Variants in ANO4 observed in about 807,000 individuals in gnomAD.
ANO4 encodes the protein anoctamin-4.
Under a neutral mutation model 141.9 loss-of-function variants are expected in ANO4, and 69 were observed. The ratio of observed to expected loss-of-function variants is 0.49; its 90% CI spans 0.40 to 0.59. The LOEUF is 0.59. Among genes scored for constraint, ANO4 ranks in the 20% least tolerant of loss-of-function variants. The pLI, the probability that ANO4 is intolerant of heterozygous loss-of-function variation, is 0.00. For missense variants in ANO4, 894 were observed against 1,162.2 expected (o/e 0.77, Z 3.36); for synonymous variants, 350 against 394.3 (o/e 0.89, Z 1.33).
intron 8 of ANO4, among the ~76,000 whole-genome samples, chr12:100,992,688 C>G (rs1398757825): frequency 6.6e-6 from 1 of 152,124 alleles, no homozygotes; most frequent in African/African-American, 2.4e-5. Context: ...AAATGGTATA[C>G]TCTGTGGAGC....
intron 3 of ANO4, among the ~76,000 whole-genome samples, chr12:100,771,571 A>C (rs1167418875): frequency 6.6e-6 from 1 of 152,124 alleles, no homozygotes; most frequent in Admixed American, 6.6e-5. Context: ...CTCACTGCTG[A>C]TGGAACCCTG....
At chr12:101,016,655 AG>A (rs1307991643) in intron 8 of ANO4, among the ~76,000 whole-genome samples, 1 of 152,234 alleles carries the variant, frequency 6.6e-6, no homozygotes, top group African/African-American at 2.4e-5. Flanking sequence ...CTGGAAATAC[AG>A]AGATGAGCAT....
At chr12:100,948,777 C>G (rs2042850389) in intron 5 of ANO4, among the ~76,000 whole-genome samples, 1 of 152,176 alleles carries the variant, frequency 6.6e-6, no homozygotes, top group Non-Finnish European at 1.5e-5. Flanking sequence ...TTCACACCTT[C>G]CCTTCCCCCT....
intron 14 of ANO4, among the ~76,000 whole-genome samples, chr12:101,069,523 G>A (rs977951989): frequency 1.5e-4 from 23 of 152,274 alleles, no homozygotes; most frequent in African/African-American, 5.5e-4. Flanking sequence ...GAGGATGTAG[G>A]AGACATATGC....
chr12:100,723,145 G>T (rs1456453425), intron 1 of ANO4, among the ~76,000 whole-genome samples: 1 of 151,990 alleles, frequency 6.6e-6, no homozygotes. Context: ...TTCTTTGTGG[G>T]GTAAAATTAA....
At chr12:100,912,475 A>G (rs986170056) in intron 2 of ANO4, among the ~76,000 whole-genome samples, 2 of 149,468 alleles carry the variant, frequency 1.3e-5, no homozygotes, top group African/African-American at 4.9e-5. Context: ...CAGAGGTGGC[A>G]GTGAGCTGAG....
chr12:101,068,364 C>A, intron 14 of ANO4: 1 of 1,075,092 alleles, frequency 9.3e-7, no homozygotes, highest in Admixed American at 1.7e-5. Context: ...GGTAAAGGGT[C>A]TTTGACCAAA....
At chr12:101,000,653 T>C (rs191053920) in intron 8 of ANO4, among the ~76,000 whole-genome samples, 1 of 152,346 alleles carries the variant, frequency 6.6e-6, no homozygotes, top group East Asian at 1.9e-4. Context: ...AACATATCTA[T>C]GTTCTGGAAA....
At chr12:100,868,947 A>G (rs1484899533) in intron 1 of ANO4, among the ~76,000 whole-genome samples, 4 of 152,262 alleles carry the variant, frequency 2.6e-5, no homozygotes, top group Non-Finnish European at 4.4e-5. Context: ...ATACAGAAAC[A>G]GACAGCAGGC....
chr12:101,081,446 C>G (rs1451820826), intron 15 of ANO4, among the ~76,000 whole-genome samples: 1 of 152,150 alleles, frequency 6.6e-6, no homozygotes, highest in Non-Finnish European at 1.5e-5. Flanking sequence ...TTCCCAGCCC[C>G]TGATAAAAAG....
intron 3 of ANO4, 115 bp from the exon 4 acceptor site, chr12:100,939,200 G>T: frequency 9.6e-7 from 1 of 1,043,826 alleles, no homozygotes. Context: ...GTCACTCAAG[G>T]AGTTAATGAA....
intron 25 of ANO4, among the ~76,000 whole-genome samples, chr12:101,117,102 C>A (rs1414580623): frequency 2.0e-5 from 3 of 152,220 alleles, no homozygotes; most frequent in African/African-American, 7.2e-5. Context: ...TCCAGGGACT[C>A]AGGGACAGAC....
At chr12:101,027,227 A>G (rs1336913701) in intron 9 of ANO4, among the ~76,000 whole-genome samples, 2 of 152,176 alleles carry the variant, frequency 1.3e-5, no homozygotes, top group Non-Finnish European at 2.9e-5. Context: ...TGTGCAACCC[A>G]CGGATTAGAA....
At position 100,773,256 on chromosome 12, in the gene ANO4, C is replaced by A. The variant is rs1000490700; in HGVS notation, c.358+33151C>A. On this transcript the variant is annotated intron_variant, in intron 3 of 29. Coordinates refer to the ANO4 transcript ENST00000644049. ...GCCAGTCATGAAGGCTGAGCCCCAT[C>A]TCCAAATGCCTTGCCTTCAAATACC... Among the ~76,000 whole-genome samples the A allele has an allele frequency of 2.6e-5, 4 of 152,188 alleles. No homozygotes were observed. In the South Asian group the frequency reaches 8.3e-4, roughly 32 times the overall value.
chr12:101,083,234 A>G (rs1038286639), intron 15 of ANO4, among the ~76,000 whole-genome samples: 3 of 152,198 alleles, frequency 2.0e-5, no homozygotes, highest in Admixed American at 6.5e-5. Flanking sequence ...TTATATTGTC[A>G]TTATAACTTA....
intron 22 of ANO4, 104 bp downstream of exon 22, chr12:101,099,824 G>A: frequency 1.1e-6 from 1 of 919,188 alleles, no homozygotes; most frequent in Non-Finnish European, 1.5e-6. Flanking sequence ...AGTGCGTAGG[G>A]ATTCCTAAGG....
At chr12:100,901,023 A>C (rs1243285748) in intron 1 of ANO4, among the ~76,000 whole-genome samples, 1 of 152,208 alleles carries the variant, frequency 6.6e-6, no homozygotes, top group Non-Finnish European at 1.5e-5. Context: ...GATGTAATCA[A>C]TTCTACTTTT....
intron 1 of ANO4, among the ~76,000 whole-genome samples, chr12:100,872,569 A>C (rs2135931189): frequency 6.6e-6 from 1 of 152,344 alleles, no homozygotes; most frequent in Non-Finnish European, 1.5e-5. Flanking sequence ...ATGCAAGTAC[A>C]ATTATCTCCT....
chr12:100,978,250 G>A (rs1479854090), intron 7 of ANO4, among the ~76,000 whole-genome samples: 6 of 152,214 alleles, frequency 3.9e-5, no homozygotes, highest in Admixed American at 2.0e-4. Context: ...TATGAGGATT[G>A]GAGTAGGGAG....
Sources: allele counts gnomAD v4.1 joint callset (sites outside exome capture counted in the v4.1 genomes callset), GRCh38; gene constraint gnomAD v4.1.1; transcripts MANE v1.5; gene names NCBI Gene and HGNC (gene_info 2026-07-23, HGNC 2026-07-21).